Variants in SERGEF observed in about 807,000 individuals in gnomAD.
SERGEF encodes secretion regulating guanine nucleotide exchange factor.
Under a neutral mutation model 50.0 loss-of-function variants are expected in SERGEF, and 51 were observed. The ratio of observed to expected loss-of-function variants is 1.02; its 90% CI spans 0.81 to 1.29. The LOEUF (loss-of-function observed/expected upper bound fraction) is 1.29. SERGEF is among the 50% of genes most tolerant of loss of function. The pLI is 0.00. For synonymous variants in SERGEF, 205 were observed against 212.4 expected (o/e 0.97, Z 0.30); for missense variants, 521 against 557.0 (o/e 0.94, Z 0.65).
intron 9 of SERGEF, chr11:17,926,972 C>CA (rs2133944208): frequency 5.2e-6 from 2 of 388,278 alleles, no homozygotes; most frequent in South Asian, 3.8e-5. Context: ...ACGGATAAAC[C>CA]AACCATCGCC....
chr11:17,933,989 G>A (rs1852402681), intron 9 of SERGEF, among the ~76,000 whole-genome samples: 1 of 151,870 alleles, frequency 6.6e-6, no homozygotes, highest in Non-Finnish European at 1.5e-5. Context: ...TACTAAAGCT[G>A]GTATCTCTAT....
chr11:17,796,304 G>A (rs1320777593), intron 10 of SERGEF, among the ~76,000 whole-genome samples: 1 of 152,184 alleles, frequency 6.6e-6, no homozygotes, highest in Non-Finnish European at 1.5e-5. Context: ...GCCTGGCAGA[G>A]GACACAGGCA....
rs531483250 is a variant in SERGEF, at chr11:17,891,239, A to G, written c.1012-12995T>C. Among the ~76,000 whole-genome samples, 5 of 151,934 alleles carry G rather than the reference A, an allele frequency of 3.3e-5. No individual in the cohort carries two copies. In the South Asian group the frequency reaches 1.0e-3, roughly 32 times the overall value. ...AATGTGAATTCCTAAACTCAGTTTC[A>G]AAAAAAAAGTTGTAGAGATGCAGAA... On this transcript the variant is annotated intron_variant, in intron 9 of 10. Coordinates refer to ENST00000265965, the MANE Select transcript of SERGEF (RefSeq NM_012139.4).
At chr11:17,876,307 C>T (rs1851234855) in intron 10 of SERGEF, among the ~76,000 whole-genome samples, 2 of 152,190 alleles carry the variant, frequency 1.3e-5, no homozygotes, top group Non-Finnish European at 1.5e-5. Context: ...CGCCAGCATG[C>T]CCTATTCTCC....
chr11:17,835,077 A>G (rs186845722), intron 10 of SERGEF, among the ~76,000 whole-genome samples: 5 of 152,350 alleles, frequency 3.3e-5, no homozygotes, highest in Admixed American at 2.0e-4. Flanking sequence ...AAGAGCACAC[A>G]TTGGACAAAT....
At chr11:17,987,452 T>C (rs1312909466) in intron 8 of SERGEF, among the ~76,000 whole-genome samples, 1 of 152,060 alleles carries the variant, frequency 6.6e-6, no homozygotes, top group African/African-American at 2.4e-5. Context: ...TAGGAAAAGG[T>C]TCTGTAGATA....
rs144920643 is a variant in SERGEF at position 17,988,787 on chromosome 11, G to T, written c.686-32C>A. The T allele has an allele frequency of 5.0e-6, 8 of 1,601,648 alleles. No individual in the cohort carries two copies. The East Asian group carries it at 1.8e-4, about 36-fold the overall frequency. Reference sequence around the variant, plus strand: ...CAAACAGAAGGGTAACAAAAGAGGTGAGGGAACATTAGTCCAAAATGATGG... The same window carrying T: ...CAAACAGAAGGGTAACAAAAGAGGTTAGGGAACATTAGTCCAAAATGATGG... On this transcript the variant is annotated intron_variant, in intron 7 of 10. Transcript: ENST00000265965.
At chr11:17,917,282 T>A (rs897965715) in intron 9 of SERGEF, among the ~76,000 whole-genome samples, 1 of 152,226 alleles carries the variant, frequency 6.6e-6, no homozygotes, top group African/African-American at 2.4e-5. Context: ...TGAATGGGAT[T>A]GGAGACTATT....
chr11:17,792,937 C>T (rs1055883275), intron 10 of SERGEF, among the ~76,000 whole-genome samples: 79 of 152,300 alleles, frequency 5.2e-4, no homozygotes, highest in African/African-American at 1.7e-3. Flanking sequence ...CAGCATCACA[C>T]ACAAAGAGGC....
At chr11:17,938,320 G>C (rs1393010611) in intron 9 of SERGEF, among the ~76,000 whole-genome samples, 1 of 152,146 alleles carries the variant, frequency 6.6e-6, no homozygotes, top group Non-Finnish European at 1.5e-5. Flanking sequence ...ATATAGTAGG[G>C]ATTTGGCTTG....
chr11:17,953,202 C>A (rs1852803560), intron 9 of SERGEF, among the ~76,000 whole-genome samples: 1 of 151,870 alleles, frequency 6.6e-6, no homozygotes. Flanking sequence ...GCCTTTGTCA[C>A]ATTCTGTTTG....
chr11:17,838,307 A>G (rs147047152), intron 10 of SERGEF, among the ~76,000 whole-genome samples: 192 of 152,368 alleles, frequency 1.3e-3, no homozygotes, highest in Admixed American at 0.011. Context: ...CTGAACTGGC[A>G]TAAAACTAAA....
intron 4 of SERGEF, among the ~76,000 whole-genome samples, chr11:18,003,377 G>C (rs188334900): frequency 6.6e-6 from 1 of 152,208 alleles, no homozygotes; most frequent in Non-Finnish European, 1.5e-5. Flanking sequence ...AGAGCCAAGA[G>C]TCCTGTTTAA....
chr11:17,932,120 G>A (rs1384430752), intron 9 of SERGEF, among the ~76,000 whole-genome samples: 1 of 152,164 alleles, frequency 6.6e-6, no homozygotes, highest in African/African-American at 2.4e-5. Flanking sequence ...GTATACATAT[G>A]TAACAAACCT....
intron 9 of SERGEF, among the ~76,000 whole-genome samples, chr11:17,915,065 G>A (rs1852024022): frequency 6.6e-6 from 1 of 152,194 alleles, no homozygotes; most frequent in Non-Finnish European, 1.5e-5. Context: ...CAAAACCTGT[G>A]TCTAATTCAT....
intron 9 of SERGEF, among the ~76,000 whole-genome samples, chr11:17,887,936 A>G (rs1851461397): frequency 6.6e-6 from 1 of 152,140 alleles, no homozygotes; most frequent in African/African-American, 2.4e-5. Context: ...CAGGCAAGGG[A>G]GCGAAGCTTC....
intron 10 of SERGEF, among the ~76,000 whole-genome samples, chr11:17,848,420 A>T (rs1850654502): frequency 6.6e-6 from 1 of 152,236 alleles, no homozygotes; most frequent in African/African-American, 2.4e-5. Context: ...TCCTAAGGTC[A>T]CCATAGTGAG....
rs150121122 is a variant in SERGEF, at chr11:17,981,704, A to G, written c.844+6893T>C. The stretch of plus-strand genomic sequence containing the variant: ...AATGGCCTCCTGACCCTCGCTTCTC[A>G]GGAACCATTTCCCAGTTTCTACTCC... On this transcript the variant is annotated intron_variant, in intron 8 of 10. Transcript: ENST00000265965. Among the ~76,000 whole-genome samples, 895 of 152,322 alleles carry G rather than the reference A, an allele frequency of 5.9e-3. 14 individuals carry two copies. Among genetic ancestry groups the G allele is most frequent in the African/African-American group, 0.02 (831 of 41,556 alleles).
At chr11:17,846,061 T>G (rs1045580728) in intron 10 of SERGEF, among the ~76,000 whole-genome samples, 1 of 152,216 alleles carries the variant, frequency 6.6e-6, no homozygotes, top group Non-Finnish European at 1.5e-5. Flanking sequence ...CAGATAAGAC[T>G]GAAGCCACAG....
Sources: gnomAD v4.1 joint callset for allele counts (sites outside exome capture counted in the v4.1 genomes callset) on GRCh38, gnomAD v4.1.1 for gene constraint, MANE v1.5 for transcripts, NCBI Gene and HGNC (gene_info 2026-07-23, HGNC 2026-07-21) for gene names.